The following SDSL variants were observed in gnomAD, a reference collection of about 807,000 sequenced individuals.
The protein encoded by SDSL is serine dehydratase-like.
Under a neutral mutation model 27.6 loss-of-function variants are expected in SDSL, and 26 were observed. The ratio of observed to expected loss-of-function variants is 0.94; its 90% CI spans 0.69 to 1.31. The LOEUF (loss-of-function observed/expected upper bound fraction) is 1.31, where lower values mean the gene tolerates loss of function less well. Among genes scored for constraint, SDSL ranks in the 50% most tolerant of loss-of-function variants. The pLI is 0.00. For missense variants in SDSL, 431 were observed against 423.5 expected (o/e 1.02, Z -0.16); for synonymous variants, 196 against 180.6 (o/e 1.09, Z -0.69).
intron 1 of SDSL, among the ~76,000 whole-genome samples, chr12:113,424,491 G>T (rs942096903): frequency 6.6e-6 from 1 of 152,144 alleles, no homozygotes; most frequent in African/African-American, 2.4e-5. Flanking sequence ...TTTGTTAAGT[G>T]CCCATCTCAT....
intron 6 of SDSL, among the ~76,000 whole-genome samples, chr12:113,436,173 T>G (rs1957990346): frequency 6.6e-6 from 1 of 151,968 alleles, no homozygotes; most frequent in Non-Finnish European, 1.5e-5. Flanking sequence ...AAAAAGAACA[T>G]GATCACTGAA....
At chr12:113,435,741 T>C (rs994168253) in intron 6 of SDSL, among the ~76,000 whole-genome samples, 185 bp downstream of exon 6, 3 of 152,192 alleles carry the variant, frequency 2.0e-5, no homozygotes, top group Non-Finnish European at 4.4e-5. Context: ...AGGAATATGA[T>C]TCATGTAAAC....
intron 4 of SDSL, among the ~76,000 whole-genome samples, chr12:113,429,997 C>G (rs1957901090): frequency 6.8e-6 from 1 of 147,196 alleles, no homozygotes; most frequent in Admixed American, 6.8e-5. Flanking sequence ...TTCCCTCCCT[C>G]CTTCCTTTCT....
chr12:113,423,599 G>A (rs1363301438), intron 1 of SDSL, among the ~76,000 whole-genome samples: 4 of 152,112 alleles, frequency 2.6e-5, no homozygotes, highest in African/African-American at 9.7e-5. Flanking sequence ...AATATCAGCC[G>A]GATACAGTGG....
Position 113,435,406 on chromosome 12 carries a change from G to T in SDSL, c.521G>T (p.Gly174Val). Residue 174 changes from glycine to valine, a missense_variant, in exon 6 of 8, where the codon GGG (glycine) becomes GTG (valine). Gly to Val is a moderately radical substitution (Grantham distance 109, BLOSUM62 -3). Coordinates refer to ENST00000403593, the MANE Select transcript of SDSL (RefSeq NM_001304993.2). ...CCAGGTGCCCTGGTGCTGGCAGTTGGGGGTGGGGGTCTCCTGGCCGGGGTG... is the reference window on the plus strand; with the variant it reads ...CCAGGTGCCCTGGTGCTGGCAGTTGTGGGTGGGGGTCTCCTGGCCGGGGTG... ...TPPGALVLAV[G>V]GGGLLAGVVA... The T allele has an allele frequency of 6.2e-7, 1 of 1,612,176 alleles. No individual in the cohort carries two copies. The highest frequency in any genetic ancestry group is 8.5e-7 in the Non-Finnish European group (1 of 1,179,232).
chr12:113,425,717 G>A (rs1397160182), intron 1 of SDSL: 2 of 455,974 alleles, frequency 4.4e-6, no homozygotes, highest in East Asian at 1.4e-4. Flanking sequence ...AAAGGGCTGA[G>A]CGCGGTGGCT....
Position 113,437,958 on chromosome 12 carries a change from G to A in SDSL, c.869G>A (p.Arg290Lys). 6.2e-7 allele frequency: 1 copy of A among 1,614,166 alleles called. No individual in the cohort carries two copies. The highest frequency in any genetic ancestry group is 8.5e-7 in the Non-Finnish European group (1 of 1,179,978). The stretch of plus-strand genomic sequence containing the variant: ...GCCATCTACTCAGGCCTCCTGCGGA[G>A]GCTCCAGGCCGAGGGCTGCCTGCCC... The part of the protein sequence containing the change: ...LAAIYSGLLR[R>K]LQAEGCLPPS... Residue 290 changes from arginine to lysine, a missense_variant, in exon 8 of 8, where the codon AGG becomes AAG. Coordinates refer to ENST00000403593, the MANE Select transcript of SDSL (RefSeq NM_001304993.2).
chr12:113,423,169 C>A (rs954378992), intron 1 of SDSL, among the ~76,000 whole-genome samples: 6 of 152,118 alleles, frequency 3.9e-5, no homozygotes, highest in African/African-American at 1.2e-4. Flanking sequence ...GTCAGTATAA[C>A]CAAGAGGGCT....
rs569248111 is a variant in SDSL at position 113,424,727 on chromosome 12, T to TTC, written c.-22+2264_-22+2265dup. ...GGGACTCAACAAATGACAGATGTTA[T>TTC]TCTCTCTCTCTCTCTTTTTTTTTTT... On this transcript the variant is annotated intron_variant, in intron 1 of 7. Transcript: ENST00000403593. 3.3e-5 allele frequency among the ~76,000 whole-genome samples: 5 copies of TTC among 151,680 alleles called. No homozygotes were observed. The East Asian group carries it at 5.8e-4, about 18-fold the overall frequency.
intron 6 of SDSL, 111 bp downstream of exon 6, chr12:113,435,667 G>C (rs1008421816): frequency 3.4e-5 from 28 of 830,860 alleles, no homozygotes; most frequent in Non-Finnish European, 5.0e-5. Context: ...GCTGTCCTTG[G>C]TCCTGGGACT....
intron 6 of SDSL, among the ~76,000 whole-genome samples, chr12:113,435,921 G>A (rs751559964): frequency 2.4e-4 from 37 of 152,122 alleles, no homozygotes; most frequent in Middle Eastern, 3.4e-3. Context: ...GTTTGAGACC[G>A]GCCTGGCCAA....
rs566099290 is a variant in SDSL at position 113,436,892 on chromosome 12, C to T, written c.796+17C>T. 5.8e-6 allele frequency: 9 copies of T among 1,560,206 alleles called. No homozygotes were observed. In the South Asian group the frequency reaches 9.7e-5, roughly 17 times the overall value. On this transcript the variant is annotated intron_variant, in intron 7 of 7. Coordinates refer to ENST00000403593, the MANE Select transcript of SDSL (RefSeq NM_001304993.2). The stretch of plus-strand genomic sequence containing the variant: ...AGCTCCTGGGTGAGTGATCCCTGTC[C>T]TCCACCTGGGCTCAGAGACCCACGA...
intron 1 of SDSL, among the ~76,000 whole-genome samples, chr12:113,426,520 TA>T (rs34898968): frequency 2.6e-5 from 4 of 152,198 alleles, no homozygotes; most frequent in Non-Finnish European, 5.9e-5. Context: ...ATTACATTTT[TA>T]AAAAAATTAG....
At chr12:113,423,598 C>T (rs1050274337) in intron 1 of SDSL, among the ~76,000 whole-genome samples, 5 of 152,038 alleles carry the variant, frequency 3.3e-5, no homozygotes, top group Non-Finnish European at 7.4e-5. Context: ...AAATATCAGC[C>T]GGATACAGTG....
chr12:113,429,617 G>A (rs1957895179), intron 4 of SDSL, among the ~76,000 whole-genome samples: 1 of 152,220 alleles, frequency 6.6e-6, no homozygotes, highest in African/African-American at 2.4e-5. Context: ...TAACATTTTT[G>A]CTGTTAGATA....
chr12:113,431,426 A>G (rs139815169), intron 4 of SDSL, among the ~76,000 whole-genome samples: 1 of 152,272 alleles, frequency 6.6e-6, no homozygotes, highest in Non-Finnish European at 1.5e-5. Context: ...CAAGCACTAC[A>G]CGGTTTTGAA....
At chr12:113,437,814 GCCC>G in intron 7 of SDSL, 69 bp from the exon 8 acceptor site, 1 of 1,375,336 alleles carries the variant, frequency 7.3e-7, no homozygotes, top group East Asian at 2.4e-5. Flanking sequence ...GATCTGCCGT[GCCC>G]AGGGCCTGCT....
rs1290875140 is a variant in SDSL at position 113,438,082 on chromosome 12, G to T, written c.*3G>T. 2 of 1,610,890 alleles carry T rather than the reference G, an allele frequency of 1.2e-6. No individual in the cohort carries two copies. Among genetic ancestry groups the T allele is most frequent in the Non-Finnish European group, 1.7e-6 (2 of 1,178,704 alleles). ...AAACCCACCTGGGCCAGGTCTGAGG[G>T]GTCCCATCCTGGCCCCAAAGACCCC... On this transcript the variant is annotated 3_prime_UTR_variant, in exon 8 of 8. Coordinates refer to ENST00000403593, the MANE Select transcript of SDSL (RefSeq NM_001304993.2).
chr12:113,424,222 A>G lies in SDSL; in HGVS notation c.-22+1745A>G, dbSNP rs758610678. Reference sequence around the variant, plus strand: ...TTTTTAGTAGAGACGGGGTTTCTCCATGTTGGCCAGACTGGTCTTGAACTC... The same window carrying G: ...TTTTTAGTAGAGACGGGGTTTCTCCGTGTTGGCCAGACTGGTCTTGAACTC... On this transcript the variant is annotated intron_variant, in intron 1 of 7. Coordinates refer to ENST00000403593, the MANE Select transcript of SDSL (RefSeq NM_001304993.2). Among the ~76,000 whole-genome samples, 6 of 151,992 alleles carry G rather than the reference A, an allele frequency of 3.9e-5. No individual in the cohort carries two copies. The East Asian group carries it at 7.7e-4, about 20-fold the overall frequency.
Sources: allele counts gnomAD v4.1 joint callset (sites outside exome capture counted in the v4.1 genomes callset), GRCh38; gene constraint gnomAD v4.1.1; transcripts MANE v1.5; gene names NCBI Gene and HGNC (gene_info 2026-07-23, HGNC 2026-07-21).